IMMP2L: variants seen among roughly 807,000 people sequenced by gnomAD.
IMMP2L encodes mitochondrial inner membrane protease subunit 2.
In IMMP2L, 18 loss-of-function variants were observed where a neutral mutation model predicts 19.3. The ratio of observed to expected loss-of-function variants is 0.93; its 90% CI spans 0.64 to 1.38. The LOEUF is 1.38. IMMP2L is among the 40% of genes most tolerant of loss of function. The pLI is 0.00. For synonymous variants in IMMP2L, 76 were observed against 73.0 expected (o/e 1.04, Z -0.21); for missense variants, 233 against 218.2 (o/e 1.07, Z -0.43).
At chr7:110,915,006 C>T (rs1404375711) in intron 4 of IMMP2L, among the ~76,000 whole-genome samples, 3 of 151,618 alleles carry the variant, frequency 2.0e-5, no homozygotes, top group Non-Finnish European at 4.4e-5. Context: ...TAAATTAGTA[C>T]TGGTATTATG....
intron 5 of IMMP2L, among the ~76,000 whole-genome samples, chr7:110,705,820 G>GT (rs995865269): frequency 6.6e-6 from 1 of 151,936 alleles, no homozygotes; most frequent in African/African-American, 2.4e-5. Flanking sequence ...GCGATATTTG[G>GT]TTTTCTGTTC....
At chr7:111,445,411 AACATACAT>A (rs568084274) in intron 3 of IMMP2L, among the ~76,000 whole-genome samples, 36 of 152,090 alleles carry the variant, frequency 2.4e-4, no homozygotes, top group African/African-American at 2.9e-4. Context: ...AATAGACACA[AACATACAT>A]ACATACATAC....
intron 4 of IMMP2L, among the ~76,000 whole-genome samples, chr7:110,909,369 T>C (rs1028447048): frequency 5.9e-5 from 9 of 152,182 alleles, no homozygotes; most frequent in Admixed American, 5.2e-4. Context: ...GAGTTCATTT[T>C]ACACAGAAAT....
At chr7:111,038,604 A>G (rs1791579646) in intron 3 of IMMP2L, among the ~76,000 whole-genome samples, 1 of 152,204 alleles carries the variant, frequency 6.6e-6, no homozygotes, top group South Asian at 2.1e-4. Context: ...TGGTTTGTTC[A>G]GTAAAACAGA....
At chr7:110,970,760 A>G (rs1310246884) in intron 3 of IMMP2L, among the ~76,000 whole-genome samples, 1 of 152,106 alleles carries the variant, frequency 6.6e-6, no homozygotes, top group African/African-American at 2.4e-5. Flanking sequence ...TCAACCCCTC[A>G]TCCAAACTAC....
intron 2 of IMMP2L, among the ~76,000 whole-genome samples, chr7:111,509,410 C>T (rs1845239772): frequency 6.6e-6 from 1 of 152,130 alleles, no homozygotes; most frequent in East Asian, 1.9e-4. Context: ...GACAAGCCCA[C>T]ATTTAAAATT....
chr7:111,260,559 A>G (rs192511722), intron 3 of IMMP2L, among the ~76,000 whole-genome samples: 8 of 152,250 alleles, frequency 5.3e-5, no homozygotes, highest in Admixed American at 5.2e-4. Flanking sequence ...TAGATTCAAA[A>G]TTTTGGGATG....
At chr7:110,997,861 A>G (rs2129560667) in intron 3 of IMMP2L, among the ~76,000 whole-genome samples, 1 of 152,216 alleles carries the variant, frequency 6.6e-6, no homozygotes, top group African/African-American at 2.4e-5. Flanking sequence ...TCAGGAAATA[A>G]AAAATATATA....
intron 3 of IMMP2L, among the ~76,000 whole-genome samples, chr7:110,990,334 T>A (rs1822323708): frequency 6.6e-6 from 1 of 152,160 alleles, no homozygotes; most frequent in African/African-American, 2.4e-5. Flanking sequence ...AGATTCAAAC[T>A]TAAATATTCT....
rs140641953 is a variant in IMMP2L at position 111,368,631 on chromosome 7, C to T, written c.239+118607G>A. ...CTTCAATCCTGTGAGCTTTTCCCAT[C>T]CCAGATACCAGATATGTCTAACAAA... On this transcript the variant is annotated intron_variant, in intron 3 of 5. Transcript: ENST00000405709. Among the ~76,000 whole-genome samples the T allele has an allele frequency of 3.6e-3, 545 of 152,004 alleles. 2 individuals carry two copies. Among genetic ancestry groups the T allele is most frequent in the Non-Finnish European group, 4.4e-3 (300 of 67,920 alleles).
chr7:111,556,018 G>GTGTGTGTATATA (rs777862357), intron 1 of IMMP2L, among the ~76,000 whole-genome samples: 13 of 91,360 alleles, frequency 1.4e-4, no homozygotes, highest in African/African-American at 2.9e-4. Flanking sequence ...CTGTGTGCAT[G>GTGTGTGTATATA]TATATATATA....
chr7:111,124,735 T>C (rs1213572426), intron 3 of IMMP2L: 1 of 1,613,938 alleles, frequency 6.2e-7, no homozygotes. Context: ...AGAAATGAAC[T>C]GTGATGGTGG....
chr7:110,995,249 G>A (rs970179209), intron 3 of IMMP2L, among the ~76,000 whole-genome samples: 54 of 152,232 alleles, frequency 3.5e-4, no homozygotes, highest in African/African-American at 1.3e-3. Context: ...AAGAACATAA[G>A]AAGGGAAACT....
At chr7:111,409,881 A>T (rs557496087) in intron 3 of IMMP2L, among the ~76,000 whole-genome samples, 1 of 151,892 alleles carries the variant, frequency 6.6e-6, no homozygotes, top group South Asian at 2.1e-4. Flanking sequence ...AAATCAGGTG[A>T]TATCTAAGAC....
At chr7:110,768,180 A>G (rs1446721044) in intron 5 of IMMP2L, among the ~76,000 whole-genome samples, 1 of 149,958 alleles carries the variant, frequency 6.7e-6, no homozygotes, top group Middle Eastern at 3.5e-3. Context: ...GCCTCCAGGA[A>G]GGGGTGACAT....
intron 5 of IMMP2L, among the ~76,000 whole-genome samples, chr7:110,734,241 C>T (rs1421604280): frequency 2.0e-5 from 3 of 152,178 alleles, no homozygotes; most frequent in African/African-American, 7.2e-5. Flanking sequence ...TGCTTTTTAA[C>T]AGAATGCTGG....
intron 4 of IMMP2L, among the ~76,000 whole-genome samples, chr7:110,945,671 AG>A (rs1817179607): frequency 6.6e-6 from 1 of 151,992 alleles, no homozygotes; most frequent in Non-Finnish European, 1.5e-5. Flanking sequence ...TTTAGTCCAA[AG>A]GTCCTCAGAT....
chr7:111,316,461 ATAGT>A (rs1402672301), intron 3 of IMMP2L, among the ~76,000 whole-genome samples: 3 of 152,302 alleles, frequency 2.0e-5, no homozygotes, highest in South Asian at 4.1e-4. Flanking sequence ...GGATGAATAC[ATAGT>A]TAGGGAGAAA....
chr7:111,016,114 T>C (rs1186357656), intron 3 of IMMP2L, among the ~76,000 whole-genome samples: 1 of 151,974 alleles, frequency 6.6e-6, no homozygotes, highest in African/African-American at 2.4e-5. Context: ...TTAGTGTGCA[T>C]TGCAAAAAAC....
Sources: gnomAD v4.1 joint callset for allele counts (sites outside exome capture counted in the v4.1 genomes callset) on GRCh38, gnomAD v4.1.1 for gene constraint, MANE v1.5 for transcripts, NCBI Gene and HGNC (gene_info 2026-07-23, HGNC 2026-07-21) for gene names.